Variants in SORCS1 observed in about 807,000 individuals in gnomAD.
SORCS1 encodes the protein sortilin related VPS10 domain containing receptor 1.
A neutral mutation model predicts 146.1 loss-of-function variants in SORCS1; 60 were observed. That is an observed-to-expected ratio of 0.41 (90% CI 0.33 to 0.51). The LOEUF (loss-of-function observed/expected upper bound fraction) is 0.51, where lower values mean the gene tolerates loss of function less well. Ranked by LOEUF, SORCS1 falls within the 20% of genes least tolerant of loss-of-function variation. The pLI is 0.21. For synonymous variants in SORCS1, 637 were observed against 584.0 expected, an observed-to-expected ratio of 1.09 and a Z score of -1.31; for missense variants, 1,352 against 1,487.6, an observed-to-expected ratio of 0.91 and a Z score of 1.50.
chr10:107,019,956 C>T (rs958170601), intron 1 of SORCS1, among the ~76,000 whole-genome samples: 2 of 152,192 alleles, frequency 1.3e-5, no homozygotes, highest in African/African-American at 2.4e-5. Context: ...CTGTGAACTA[C>T]AGAAAATCTG....
intron 6 of SORCS1, among the ~76,000 whole-genome samples, chr10:106,729,308 C>G (rs928966225): frequency 1.3e-5 from 2 of 152,174 alleles, no homozygotes; most frequent in Non-Finnish European, 2.9e-5. Flanking sequence ...CATGAGGCTA[C>G]AAAGTGTAGT....
chr10:107,153,994 ATTTCT>A lies in SORCS1; in HGVS notation c.558+9970_558+9974del, dbSNP rs1361573440. Among the ~76,000 whole-genome samples the A allele has an allele frequency of 1.2e-4, 15 of 129,560 alleles. No individual in the cohort carries two copies. The East Asian group carries it at 1.8e-3, about 15-fold the overall frequency. The allele number at this position is 129,560 out of a possible 152,430, so 85.0% of individuals were successfully genotyped here. On this transcript the variant is annotated intron_variant, in intron 1 of 25. Coordinates refer to ENST00000263054, the MANE Select transcript of SORCS1 (RefSeq NM_052918.5). The stretch of plus-strand genomic sequence containing the variant: ...TTCAAACCCTTACTATTTCCAGTAT[ATTTCT>A]TTTCTTTTCTTTTTTTTTTTTTTTT...
chr10:106,822,639 A>G (rs1948094360), intron 3 of SORCS1, among the ~76,000 whole-genome samples: 1 of 152,148 alleles, frequency 6.6e-6, no homozygotes, highest in Non-Finnish European at 1.5e-5. Context: ...GCGGTACCCA[A>G]AAAAAGATCA....
intron 5 of SORCS1, among the ~76,000 whole-genome samples, chr10:106,744,691 T>C (rs927000542): frequency 1.3e-5 from 2 of 152,226 alleles, no homozygotes; most frequent in Admixed American, 6.5e-5. Context: ...CAGAGGTTAG[T>C]AGCCTGCTTA....
At chr10:106,858,467 A>C (rs1949875772) in intron 2 of SORCS1, among the ~76,000 whole-genome samples, 1 of 152,024 alleles carries the variant, frequency 6.6e-6, no homozygotes, top group Non-Finnish European at 1.5e-5. Context: ...AAAATACAAA[A>C]AAATTAGCTG....
intron 2 of SORCS1, among the ~76,000 whole-genome samples, chr10:106,872,450 C>T (rs1208268312): frequency 6.6e-6 from 1 of 152,170 alleles, no homozygotes; most frequent in Admixed American, 6.5e-5. Context: ...CACAATAAGC[C>T]TTGCAGACCA....
chr10:106,756,952 G>A (rs967757881), intron 5 of SORCS1, among the ~76,000 whole-genome samples: 3 of 152,176 alleles, frequency 2.0e-5, no homozygotes, highest in Non-Finnish European at 2.9e-5. Flanking sequence ...CATACTTTTA[G>A]CCAGGGAGAT....
chr10:106,664,940 G>C (rs1337042515), intron 17 of SORCS1, among the ~76,000 whole-genome samples: 2 of 151,968 alleles, frequency 1.3e-5, no homozygotes, highest in African/African-American at 2.4e-5. Context: ...TCCCCATTAA[G>C]TTTAGTTATT....
At chr10:106,683,180 C>T (rs1019483052) in intron 10 of SORCS1, among the ~76,000 whole-genome samples, 1 of 152,186 alleles carries the variant, frequency 6.6e-6, no homozygotes, top group African/African-American at 2.4e-5. Flanking sequence ...CTTTCTTTGC[C>T]TGATTCTTTT....
intron 24 of SORCS1, among the ~76,000 whole-genome samples, chr10:106,581,513 G>A (rs1844911606): frequency 6.6e-6 from 1 of 152,062 alleles, no homozygotes; most frequent in African/African-American, 2.4e-5. Context: ...AATAAATCAT[G>A]TACGCTTACG....
At chr10:106,765,326 G>T (rs1350771536) in intron 4 of SORCS1, among the ~76,000 whole-genome samples, 3 of 151,320 alleles carry the variant, frequency 2.0e-5, no homozygotes, top group African/African-American at 7.3e-5. Context: ...CTACTCTGGG[G>T]CTATTAGCAC....
chr10:107,050,767 C>T (rs1474479290), intron 1 of SORCS1, among the ~76,000 whole-genome samples: 2 of 152,022 alleles, frequency 1.3e-5, no homozygotes, highest in Admixed American at 6.6e-5. Context: ...TCAACCAGGC[C>T]TTCTTAAGTA....
chr10:107,024,239 G>C (rs1958293305), intron 1 of SORCS1, among the ~76,000 whole-genome samples: 1 of 151,254 alleles, frequency 6.6e-6, no homozygotes, highest in South Asian at 2.1e-4. Flanking sequence ...GGGTGTGCAA[G>C]AAGCATGGCA....
intron 1 of SORCS1, among the ~76,000 whole-genome samples, chr10:107,103,976 T>G (rs1679381805): frequency 6.6e-6 from 1 of 152,200 alleles, no homozygotes; most frequent in Admixed American, 6.5e-5. Flanking sequence ...CACTCATGGT[T>G]TTTCTTCTGC....
intron 2 of SORCS1, among the ~76,000 whole-genome samples, chr10:106,859,711 C>A (rs547959086): frequency 6.6e-6 from 1 of 152,134 alleles, no homozygotes; most frequent in Non-Finnish European, 1.5e-5. Context: ...TTTCATTGAA[C>A]CTTTTCACAT....
At chr10:106,679,459 C>A (rs1424782283) in intron 11 of SORCS1, 127 bp from the exon 12 acceptor site, 6 of 959,682 alleles carry the variant, frequency 6.3e-6, no homozygotes, top group South Asian at 4.8e-5. Context: ...GGGTTTTCTG[C>A]AGACTTGCTT....
chr10:106,859,261 G>A (rs768568273), intron 2 of SORCS1, among the ~76,000 whole-genome samples: 13 of 152,220 alleles, frequency 8.5e-5, no homozygotes, highest in South Asian at 2.1e-4. Flanking sequence ...GCATTGTATC[G>A]TTGTTGTCAA....
chr10:106,688,139 C>T (rs908471188), intron 10 of SORCS1, 53 bp downstream of exon 10: 1 of 1,577,666 alleles, frequency 6.3e-7, no homozygotes, highest in African/African-American at 1.4e-5. Flanking sequence ...TGTTAAATAT[C>T]CATTTCCATC....
chr10:106,989,356 A>G (rs1291635170), intron 1 of SORCS1, among the ~76,000 whole-genome samples: 1 of 150,966 alleles, frequency 6.6e-6, no homozygotes, highest in East Asian at 2.0e-4. Flanking sequence ...CCTTGGTAGT[A>G]CCTTGATTCT....
Sources: gnomAD v4.1 joint callset for allele counts (sites outside exome capture counted in the v4.1 genomes callset) on GRCh38, gnomAD v4.1.1 for gene constraint, MANE v1.5 for transcripts, NCBI Gene and HGNC (gene_info 2026-07-23, HGNC 2026-07-21) for gene names.